SLF1: variants seen among roughly 807,000 people sequenced by gnomAD.
The protein encoded by SLF1 is SMC5/6 complex localization factor 1, also known as SMC5-SMC6 complex localization factor protein 1.
Under a neutral mutation model 123.0 loss-of-function variants are expected in SLF1, and 105 were observed. The ratio of observed to expected loss-of-function variants is 0.85; its 90% CI spans 0.73 to 1.00. SLF1 has a LOEUF of 1.00. SLF1 is among the 50% of genes least tolerant of loss of function. The pLI is 0.00. For missense variants in SLF1, 1,239 were observed against 1,223.0 expected (o/e 1.01, Z -0.20); for synonymous variants, 434 against 406.6 (o/e 1.07, Z -0.81).
intron 5 of SLF1, among the ~76,000 whole-genome samples, chr5:94,644,979 CATT>C (rs2152475327): frequency 6.6e-6 from 1 of 152,236 alleles, no homozygotes. Context: ...TGTAATATAT[CATT>C]ATATAGTTAC....
chr5:94,673,401 G>A (rs1035970857), intron 14 of SLF1, among the ~76,000 whole-genome samples: 1 of 151,898 alleles, frequency 6.6e-6, no homozygotes, highest in African/African-American at 2.4e-5. Flanking sequence ...GAGGCCGGGT[G>A]CAGTGGTTCC....
At chr5:94,639,305 G>T (rs1302336898) in intron 4 of SLF1, among the ~76,000 whole-genome samples, 1 of 152,124 alleles carries the variant, frequency 6.6e-6, no homozygotes, top group African/African-American at 2.4e-5. Context: ...CTCCCAAAGT[G>T]CTGGGATTAC....
In SLF1 at chr5:94,633,001, A is replaced by T. The variant is rs538285029; in HGVS notation, c.431+2258A>T. Among the ~76,000 whole-genome samples, 82 of 144,122 alleles carry T rather than the reference A, an allele frequency of 5.7e-4. No homozygotes were observed. The Middle Eastern group carries it at 0.037, about 65-fold the overall frequency. 94.5% of individuals were successfully genotyped at this position (144,122 alleles called of 152,430 possible). On this transcript the variant is annotated intron_variant, in intron 4 of 20. Coordinates refer to ENST00000265140, the MANE Select transcript of SLF1 (RefSeq NM_032290.4). Reference sequence around the variant, plus strand: ...ACCGCGCCCGACCTTTATTTTTTTAATTTTTTGAGGTAGCGTTTTGCTCTT... The same window carrying T: ...ACCGCGCCCGACCTTTATTTTTTTATTTTTTTGAGGTAGCGTTTTGCTCTT...
intron 10 of SLF1, among the ~76,000 whole-genome samples, chr5:94,662,936 A>T (rs1465304826): frequency 6.6e-6 from 1 of 152,206 alleles, no homozygotes; most frequent in East Asian, 1.9e-4. Context: ...ACCAAGGGGA[A>T]TGTATTTTGT....
intron 4 of SLF1, among the ~76,000 whole-genome samples, chr5:94,636,560 T>C (rs1265370632): frequency 6.7e-6 from 1 of 148,942 alleles, no homozygotes; most frequent in Non-Finnish European, 1.5e-5. Flanking sequence ...TTCTGTTGCA[T>C]TTTTCACTTT....
intron 5 of SLF1, among the ~76,000 whole-genome samples, chr5:94,645,342 T>C (rs183922178): frequency 6.6e-6 from 1 of 152,288 alleles, no homozygotes; most frequent in Admixed American, 6.5e-5. Flanking sequence ...CTGGCGCTAC[T>C]TAAGTTGCTG....
rs1026443025 is a variant in SLF1, at chr5:94,672,779, T to C, written c.1827+1771T>C. Among the ~76,000 whole-genome samples, 8 of 152,240 alleles carry C rather than the reference T, an allele frequency of 5.3e-5. No individual in the cohort carries two copies. The South Asian group carries it at 8.3e-4, about 16-fold the overall frequency. ...GCTTGATTATTCCATATCTGAAGTCTTTATGGGTCTGTTTCTGTTGTTGTT... is the reference window on the plus strand; with the variant it reads ...GCTTGATTATTCCATATCTGAAGTCCTTATGGGTCTGTTTCTGTTGTTGTT... On this transcript the variant is annotated intron_variant, in intron 14 of 20. Coordinates refer to ENST00000265140, the MANE Select transcript of SLF1 (RefSeq NM_032290.4).
chr5:94,642,650 C>A (rs944179329), intron 4 of SLF1, among the ~76,000 whole-genome samples: 2 of 152,102 alleles, frequency 1.3e-5, no homozygotes, highest in Non-Finnish European at 2.9e-5. Context: ...TCTCTTGTGG[C>A]TTTCTAAAGC....
chr5:94,663,638 C>T, intron 10 of SLF1, 112 bp from the exon 11 acceptor site: 1 of 958,644 alleles, frequency 1.0e-6, no homozygotes, highest in Non-Finnish European at 1.5e-6. Context: ...GAGTGAGACT[C>T]CGTCTCAAAT....
chr5:94,678,895 A>G lies in SLF1; in HGVS notation c.1915A>G (p.Arg639Gly), dbSNP rs537721572. ...YWIFLGLKMG[R>G]NVMRHMSDDL... ...GATTTTCCTTGGTCTTAAGATGGGT[A>G]GAAATGTGATGCGACACATGTCTGA... The change falls in exon 15 of 21, where the codon AGA (arginine) becomes GGA (glycine). Residue 639 changes from arginine to glycine, a missense_variant. Physicochemically the swap from Arg to Gly is moderately radical, Grantham distance 125 (BLOSUM62 -2). Coordinates refer to ENST00000265140, the MANE Select transcript of SLF1 (RefSeq NM_032290.4). 8.8e-5 allele frequency: 142 copies of G among 1,613,866 alleles called. No individual in the cohort carries two copies. In the South Asian group the frequency reaches 1.5e-3, roughly 17 times the overall value.
intron 6 of SLF1, among the ~76,000 whole-genome samples, 191 bp from the exon 7 acceptor site, chr5:94,651,511 T>C (rs1033647477): frequency 1.3e-5 from 2 of 152,216 alleles, no homozygotes; most frequent in African/African-American, 4.8e-5. Context: ...TATAAAGCTT[T>C]GTGAACTGAA....
In SLF1 at chr5:94,653,404, A is replaced by G. The variant is rs1747981145; in HGVS notation, c.1015A>G (p.Ile339Val). The G allele has an allele frequency of 1.3e-6, 2 of 1,519,988 alleles. No homozygotes were observed. Among genetic ancestry groups the G allele is most frequent in the Non-Finnish European group, 1.8e-6 (2 of 1,138,498 alleles). The allele number at this position is 1,519,988 out of a possible 1,614,324, so 94.2% of individuals were successfully genotyped here. A position where few individuals can be genotyped will look rare whatever the true frequency, so the allele number is the denominator to read the frequency against. The change falls in exon 8 of 21, where the codon ATA (isoleucine) becomes GTA (valine). Residue 339 changes from isoleucine to valine, a missense_variant. By Grantham distance (29) the Ile-to-Val change is conservative. Transcript: ENST00000265140. Reference protein sequence around the residue: ...EKIKSTLRRHIYNRDQKEMKN... With the variant: ...EKIKSTLRRHVYNRDQKEMKN... ...AATAAAAAGTACCTTAAGAAGGCAC[A>G]TATATAATAGAGATCAGGTAAAGTT... is the stretch of plus-strand genomic sequence containing the variant.
At chr5:94,676,029 G>C (rs1751020443) in intron 14 of SLF1, among the ~76,000 whole-genome samples, 1 of 151,582 alleles carries the variant, frequency 6.6e-6, no homozygotes, top group African/African-American at 2.4e-5. Flanking sequence ...TAAAGCCTGG[G>C]TGGTCTAAAG....
At chr5:94,689,696 AC>A in intron 18 of SLF1, 90 bp downstream of exon 18, 1 of 1,189,982 alleles carries the variant, frequency 8.4e-7, no homozygotes, top group Non-Finnish European at 1.2e-6. Context: ...CCTGATGAAT[AC>A]TTGAACTTAA....
Position 94,629,103 on chromosome 5 carries a change from T to A in SLF1, c.126T>A (p.Asn42Lys), listed in dbSNP as rs182007762. 1.9e-6 allele frequency: 3 copies of A among 1,540,954 alleles called. No individual in the cohort carries two copies. Among genetic ancestry groups the A allele is most frequent in the Non-Finnish European group, 1.8e-6 (2 of 1,142,604 alleles). ...CTFIKSEKYK[N>K]CTHLIAERLC... ...ATTTTTCCCTCCAGAAATACAAAAA[T>A]TGTACACATCTTATAGCTGAACGCC... Residue 42 changes from asparagine (N) to lysine (K), a missense_variant, in exon 3 of 21, where the codon AAT (asparagine) becomes AAA (lysine). Physicochemically the swap from Asn to Lys is moderately conservative, Grantham distance 94. Coordinates refer to ENST00000265140, the MANE Select transcript of SLF1 (RefSeq NM_032290.4).
At chr5:94,664,670 T>G (rs774112035) in intron 11 of SLF1, among the ~76,000 whole-genome samples, 1 of 143,506 alleles carries the variant, frequency 7.0e-6, no homozygotes, top group Admixed American at 7.2e-5. Flanking sequence ...AATAGTTTGT[T>G]ACTTTTAGTT....
intron 15 of SLF1, among the ~76,000 whole-genome samples, chr5:94,679,315 G>A (rs1751479813): frequency 1.3e-5 from 2 of 152,114 alleles, no homozygotes; most frequent in South Asian, 4.1e-4. Flanking sequence ...TATTTTACCT[G>A]GTGCAGTGGC....
chr5:94,658,458 T>TTGTTG (rs1561449417), intron 9 of SLF1, among the ~76,000 whole-genome samples: 3 of 137,536 alleles, frequency 2.2e-5, no homozygotes, highest in East Asian at 2.2e-4. Context: ...TGTTGTTGTT[T>TTGTTG]TTTCCTTTCA....
intron 7 of SLF1, 39 bp downstream of exon 7, chr5:94,651,884 T>C (rs758336098): frequency 2.8e-6 from 3 of 1,077,194 alleles, no homozygotes; most frequent in Non-Finnish European, 2.5e-6. Flanking sequence ...ATTTTTAATA[T>C]ATATAGTGTT....
Sources: allele counts gnomAD v4.1 joint callset (sites outside exome capture counted in the v4.1 genomes callset), GRCh38; gene constraint gnomAD v4.1.1; transcripts MANE v1.5; gene names NCBI Gene and HGNC (gene_info 2026-07-23, HGNC 2026-07-21).